The following CPA6 variants were observed in gnomAD, a reference collection of about 807,000 sequenced individuals.
CPA6 encodes carboxypeptidase B.
CPA6 carries 58 observed loss-of-function variants against 63.3 expected under a neutral mutation model. The observed-to-expected ratio is 0.92, with a 90% CI of 0.74 to 1.14. CPA6 has a LOEUF of 1.14. CPA6 is among the 50% of genes most tolerant of loss of function. The probability of loss-of-function intolerance (pLI) is 0.00; values close to 1 mark genes in which losing one functional copy is unlikely to be tolerated. For synonymous variants in CPA6, 185 were observed against 179.0 expected (o/e 1.03, Z -0.27); for missense variants, 565 against 526.6 (o/e 1.07, Z -0.71).
chr8:67,630,269 A>G (rs1815293792), intron 1 of CPA6, among the ~76,000 whole-genome samples: 2 of 152,158 alleles, frequency 1.3e-5, no homozygotes. Context: ...CATCCATTAC[A>G]GGGTACACTC....
chr8:67,703,625 G>T (rs1817071767), intron 1 of CPA6, among the ~76,000 whole-genome samples: 1 of 152,192 alleles, frequency 6.6e-6, no homozygotes, highest in African/African-American at 2.4e-5. Flanking sequence ...GTGCACCCAT[G>T]GCTCTTGCTG....
chr8:67,559,036 C>T (rs943287286), intron 2 of CPA6, among the ~76,000 whole-genome samples: 18 of 152,240 alleles, frequency 1.2e-4, no homozygotes, highest in African/African-American at 3.1e-4. Flanking sequence ...TTTCAAAATA[C>T]GTCTTGGGGC....
chr8:67,565,689 GT>G (rs1813321306), intron 2 of CPA6, among the ~76,000 whole-genome samples: 1 of 152,274 alleles, frequency 6.6e-6, no homozygotes, highest in East Asian at 1.9e-4. Context: ...AAACTGTTTA[GT>G]TTTTTTCCCA....
At chr8:67,568,734 G>T (rs1216085261) in intron 2 of CPA6, among the ~76,000 whole-genome samples, 1 of 152,090 alleles carries the variant, frequency 6.6e-6, no homozygotes, top group Admixed American at 6.5e-5. Context: ...GAGAAAACGG[G>T]CCAGGAAGTT....
chr8:67,612,659 A>C (rs1194938322), intron 2 of CPA6, among the ~76,000 whole-genome samples: 3 of 152,230 alleles, frequency 2.0e-5, no homozygotes, highest in Admixed American at 2.0e-4. Flanking sequence ...TGGGAATTTT[A>C]ATCATTCCAC....
chr8:67,583,409 C>T (rs572688065), intron 2 of CPA6, among the ~76,000 whole-genome samples: 6 of 152,046 alleles, frequency 3.9e-5, no homozygotes, highest in South Asian at 2.1e-4. Flanking sequence ...TAATGGTCTT[C>T]GGTATAGATT....
At chr8:67,588,846 G>A (rs1231485820) in intron 2 of CPA6, among the ~76,000 whole-genome samples, 1 of 152,144 alleles carries the variant, frequency 6.6e-6, no homozygotes, top group East Asian at 1.9e-4. Flanking sequence ...TTACATTAAA[G>A]ATTGATGTTG....
intron 8 of CPA6, among the ~76,000 whole-genome samples, chr8:67,458,897 G>A (rs1451599024): frequency 2.0e-5 from 3 of 152,178 alleles, no homozygotes; most frequent in Non-Finnish European, 4.4e-5. Flanking sequence ...AACAGCAAAT[G>A]ATGGTGAAGA....
At chr8:67,744,591 G>A (rs952997317) in intron 1 of CPA6, among the ~76,000 whole-genome samples, 2 of 152,156 alleles carry the variant, frequency 1.3e-5, no homozygotes, top group African/African-American at 4.8e-5. Context: ...GGTCATACAC[G>A]TGTGTCTAAA....
chr8:67,559,409 T>C (rs1489405062), intron 2 of CPA6, among the ~76,000 whole-genome samples: 2 of 152,062 alleles, frequency 1.3e-5, no homozygotes, highest in African/African-American at 4.8e-5. Context: ...ACAAGTCTTA[T>C]TTGTGAATTC....
chr8:67,574,552 A>G (rs1295091925), intron 2 of CPA6, among the ~76,000 whole-genome samples: 8 of 152,210 alleles, frequency 5.3e-5, no homozygotes, highest in Non-Finnish European at 1.2e-4. Flanking sequence ...ACATTGACCA[A>G]TGGAACAGAA....
chr8:67,691,191 A>G (rs1029253001), intron 1 of CPA6, among the ~76,000 whole-genome samples: 3 of 152,234 alleles, frequency 2.0e-5, no homozygotes, highest in Non-Finnish European at 2.9e-5. Context: ...GAAATAACTC[A>G]TATTGACTTC....
intron 10 of CPA6, among the ~76,000 whole-genome samples, chr8:67,426,799 T>C (rs532185706): frequency 6.6e-6 from 1 of 152,346 alleles, no homozygotes; most frequent in East Asian, 1.9e-4. Flanking sequence ...ACATGATTTC[T>C]CACTAGATTT....
At chr8:67,620,019 T>C (rs1179170610) in intron 2 of CPA6, among the ~76,000 whole-genome samples, 1 of 152,240 alleles carries the variant, frequency 6.6e-6, no homozygotes, top group Non-Finnish European at 1.5e-5. Flanking sequence ...TCCGCTGGGC[T>C]GCCTCCTCCA....
At chr8:67,473,639 C>G (rs1319830502) in intron 8 of CPA6, among the ~76,000 whole-genome samples, 1 of 133,158 alleles carries the variant, frequency 7.5e-6, no homozygotes, top group Non-Finnish European at 1.5e-5. Flanking sequence ...AGGTCTCACT[C>G]TGTCACCCAG....
At chr8:67,506,719 A>T in intron 6 of CPA6, 68 bp downstream of exon 6, 2 of 995,394 alleles carry the variant, frequency 2.0e-6, no homozygotes, top group Non-Finnish European at 3.2e-6. Flanking sequence ...CCACTTTGTT[A>T]AGCAGAATAA....
At chr8:67,469,955 C>G (rs971985018) in intron 8 of CPA6, among the ~76,000 whole-genome samples, 2 of 152,086 alleles carry the variant, frequency 1.3e-5, no homozygotes, top group Non-Finnish European at 2.9e-5. Flanking sequence ...TCCCAAGTAC[C>G]TAGCTCACAA....
chr8:67,572,446 T>C (rs1813509639), intron 2 of CPA6, among the ~76,000 whole-genome samples: 1 of 152,200 alleles, frequency 6.6e-6, no homozygotes, highest in Non-Finnish European at 1.5e-5. Flanking sequence ...GCCCCTCAAG[T>C]TCCTGGCTCT....
intron 1 of CPA6, chr8:67,735,677 C>CTTTTTTT (rs199533677): frequency 2.1e-5 from 3 of 145,188 alleles, no homozygotes; most frequent in Non-Finnish European, 3.0e-5. Context: ...TAGTGGCAGT[C>CTTTTTTT]TTTTTTTTTT....
Sources: gnomAD v4.1 joint callset for allele counts (sites outside exome capture counted in the v4.1 genomes callset) on GRCh38, gnomAD v4.1.1 for gene constraint, MANE v1.5 for transcripts, NCBI Gene and HGNC (gene_info 2026-07-23, HGNC 2026-07-21) for gene names.